ELL2: variants seen among roughly 807,000 people sequenced by gnomAD.
ELL2 encodes RNA polymerase II elongation factor ELL2.
In ELL2, 21 loss-of-function variants were observed where a neutral mutation model predicts 72.8. The observed-to-expected ratio is 0.29, with a 90% CI of 0.20 to 0.42. The LOEUF (loss-of-function observed/expected upper bound fraction) is 0.42. Ranked by LOEUF, ELL2 falls within the 10% of genes least tolerant of loss-of-function variation. The pLI is 1.00. For missense variants in ELL2, 568 were observed against 772.8 expected (o/e 0.73, Z 3.14); for synonymous variants, 266 against 283.2 (o/e 0.94, Z 0.61).
intron 4 of ELL2, among the ~76,000 whole-genome samples, chr5:95,907,296 A>ATTTTTTTTT (rs1211663802): frequency 1.0e-4 from 12 of 116,470 alleles, no homozygotes; most frequent in African/African-American, 4.5e-4. Context: ...ATATATATAT[A>ATTTTTTTTT]TTTTTTTTTT....
At chr5:95,929,546 T>G (rs1750520593) in intron 2 of ELL2, among the ~76,000 whole-genome samples, 1 of 152,156 alleles carries the variant, frequency 6.6e-6, no homozygotes, top group African/African-American at 2.4e-5. Flanking sequence ...TGTGAGCCAC[T>G]GCGCCCAGCC....
intron 3 of ELL2, among the ~76,000 whole-genome samples, chr5:95,914,793 T>C (rs925571698): frequency 6.6e-6 from 1 of 152,098 alleles, no homozygotes; most frequent in East Asian, 1.9e-4. Context: ...TGCAGTAAGC[T>C]GAGATGGCGC....
At chr5:95,947,242 A>C (rs1041641611) in intron 1 of ELL2, among the ~76,000 whole-genome samples, 3 of 152,166 alleles carry the variant, frequency 2.0e-5, no homozygotes, top group African/African-American at 7.2e-5. Context: ...TGTTCTCTTT[A>C]TATATGAAGT....
At chr5:95,913,689 G>C (rs763438801) in intron 4 of ELL2, 82 bp downstream of exon 4, 5 of 1,355,024 alleles carry the variant, frequency 3.7e-6, no homozygotes, top group Non-Finnish European at 4.8e-6. Context: ...TTTTCATTAA[G>C]TTAATATTAC....
At chr5:95,961,480 A>C in intron 1 of ELL2, 95 bp downstream of exon 1, 3 of 1,331,042 alleles carry the variant, frequency 2.3e-6, no homozygotes, top group Non-Finnish European at 2.9e-6. Flanking sequence ...AGCAGCTGCC[A>C]GCCACGGCTC....
At chr5:95,935,985 A>G (rs1232633212) in intron 2 of ELL2, among the ~76,000 whole-genome samples, 1 of 152,206 alleles carries the variant, frequency 6.6e-6, no homozygotes, top group African/African-American at 2.4e-5. Flanking sequence ...GTAAGCTATA[A>G]TAGATTGTGA....
chr5:95,951,441 T>C (rs1329773889), intron 1 of ELL2, among the ~76,000 whole-genome samples: 1 of 152,018 alleles, frequency 6.6e-6, no homozygotes, highest in Non-Finnish European at 1.5e-5. Context: ...TTCCACCATT[T>C]TTTCCCCCAG....
At chr5:95,890,901 T>C in intron 10 of ELL2, 1 of 613,716 alleles carries the variant, frequency 1.6e-6, no homozygotes, top group Non-Finnish European at 2.8e-6. Flanking sequence ...CAAGGTTTTT[T>C]TCCACTGGTA....
chr5:95,945,242 C>T (rs936208689), intron 1 of ELL2, among the ~76,000 whole-genome samples: 6 of 152,200 alleles, frequency 3.9e-5, no homozygotes, highest in African/African-American at 1.4e-4. Flanking sequence ...CTCTTTCTTA[C>T]TTTTCTGGCA....
intron 1 of ELL2, among the ~76,000 whole-genome samples, chr5:95,951,122 C>T (rs1751378960): frequency 6.6e-6 from 1 of 151,502 alleles, no homozygotes; most frequent in South Asian, 2.1e-4. Context: ...GTAATCCCAG[C>T]ACTTTGGGAG....
chr5:95,952,818 G>T (rs1042784647), intron 1 of ELL2, among the ~76,000 whole-genome samples: 8 of 152,150 alleles, frequency 5.3e-5, no homozygotes, highest in African/African-American at 1.7e-4. Context: ...AGGACTAAAT[G>T]AACTCACCTA....
At chr5:95,910,304 A>G (rs959285674) in intron 4 of ELL2, among the ~76,000 whole-genome samples, 16 of 152,194 alleles carry the variant, frequency 1.1e-4, no homozygotes, top group Non-Finnish European at 2.9e-5. Context: ...TTGGAAACAG[A>G]ATCCTAGAAA....
intron 4 of ELL2, among the ~76,000 whole-genome samples, chr5:95,912,999 A>G (rs886726107): frequency 1.3e-5 from 2 of 152,224 alleles, no homozygotes; most frequent in Admixed American, 1.3e-4. Context: ...AAGGACTCAA[A>G]GAGCTCCTCC....
At chr5:95,909,518 T>C (rs1387591856) in intron 4 of ELL2, among the ~76,000 whole-genome samples, 1 of 141,258 alleles carries the variant, frequency 7.1e-6, no homozygotes, top group Admixed American at 7.0e-5. Context: ...ACTTACAGAA[T>C]TGAGATGCTA....
In ELL2 at chr5:95,900,950, A is replaced by G; in HGVS notation, c.866+6T>C. The G allele has an allele frequency of 6.3e-7, 1 of 1,580,136 alleles. No homozygotes were observed. The highest frequency in any genetic ancestry group is 8.5e-7 in the Non-Finnish European group (1 of 1,171,692). ...TTTTTTTAAAAGCAAGAAAAAAAGA[A>G]TTCACCTAGAGAGCACTGACTCCAA... On this transcript the variant is annotated splice_donor_region_variant and intron_variant, in intron 6 of 11. Transcript: ENST00000237853.
rs146503246 is a variant in ELL2, at chr5:95,955,396, A to G, written c.147+6179T>C. 4.9e-3 allele frequency among the ~76,000 whole-genome samples: 741 copies of G among 152,340 alleles called. 9 individuals carry two copies. The highest frequency in any genetic ancestry group is 0.017 in the African/African-American group (716 of 41,564). ...CTTTTCTTATATCCTGAATTAAACC[A>G]TGCAAATGCCAGTTTTGGTCTTTGC... On this transcript the variant is annotated intron_variant, in intron 1 of 11. Coordinates refer to ENST00000237853, the MANE Select transcript of ELL2 (RefSeq NM_012081.6).
intron 9 of ELL2, among the ~76,000 whole-genome samples, chr5:95,892,963 C>T (rs1328777426): frequency 6.6e-6 from 1 of 152,142 alleles, no homozygotes; most frequent in Non-Finnish European, 1.5e-5. Flanking sequence ...ATTGACTGTA[C>T]ACCAGAGGGA....
rs182558683 is a variant in ELL2, at chr5:95,895,907, C to A, written c.1526-216G>T. On this transcript the variant is annotated intron_variant, in intron 8 of 11. Coordinates refer to ENST00000237853, the MANE Select transcript of ELL2 (RefSeq NM_012081.6). Reference sequence around the variant, plus strand: ...GAACCGACGCCAGGCATTTAAAGCACCCTGGCTACTGCAGTGTCTGCACAA... The same window carrying A: ...GAACCGACGCCAGGCATTTAAAGCAACCTGGCTACTGCAGTGTCTGCACAA... Among the ~76,000 whole-genome samples, 99 of 152,306 alleles carry A rather than the reference C, an allele frequency of 6.5e-4. No individual in the cohort carries two copies. The South Asian group carries it at 0.01, about 16-fold the overall frequency.
chr5:95,912,676 G>T (rs1327857060), intron 4 of ELL2, among the ~76,000 whole-genome samples: 1 of 152,140 alleles, frequency 6.6e-6, no homozygotes, highest in Non-Finnish European at 1.5e-5. Context: ...GGCCCCATGG[G>T]TACAAATATC....
Sources: allele counts gnomAD v4.1 joint callset (sites outside exome capture counted in the v4.1 genomes callset), GRCh38; gene constraint gnomAD v4.1.1; transcripts MANE v1.5; gene names NCBI Gene and HGNC (gene_info 2026-07-23, HGNC 2026-07-21).